The following ACO1 variants were observed in gnomAD, a reference collection of about 807,000 sequenced individuals.
ACO1 encodes cytoplasmic aconitate hydratase.
A neutral mutation model predicts 105.1 loss-of-function variants in ACO1; 78 were observed. The observed-to-expected ratio is 0.74, with a 90% confidence interval of 0.62 to 0.90. The LOEUF is 0.90. Ranked by LOEUF, ACO1 falls within the 40% of genes least tolerant of loss-of-function variation. The pLI, the probability that ACO1 is intolerant of heterozygous loss-of-function variation, is 0.00. For synonymous variants in ACO1, 364 were observed against 397.4 expected (o/e 0.92, Z 1.00); for missense variants, 965 against 1,111.1 (o/e 0.87, Z 1.87).
chr9:32,389,640 C>T (rs1394638952), intron 1 of ACO1, among the ~76,000 whole-genome samples: 3 of 151,684 alleles, frequency 2.0e-5, no homozygotes, highest in East Asian at 1.9e-4. Context: ...ATCAGCTGAC[C>T]GTCTCCCTAG....
chr9:32,403,386 A>G (rs992130207), intron 1 of ACO1, among the ~76,000 whole-genome samples: 20 of 152,204 alleles, frequency 1.3e-4, no homozygotes, highest in Non-Finnish European at 2.5e-4. Context: ...CTTCCTTCAT[A>G]TAGTGAAACT....
intron 7 of ACO1, among the ~76,000 whole-genome samples, 162 bp from the exon 8 acceptor site, chr9:32,420,694 G>A (rs569072626): frequency 3.0e-4 from 45 of 152,248 alleles, no homozygotes; most frequent in Admixed American, 2.7e-3. Flanking sequence ...GCATTTAGTT[G>A]GCATTGTTTT....
intron 11 of ACO1, among the ~76,000 whole-genome samples, chr9:32,426,296 G>A (rs2118494263): frequency 6.6e-6 from 1 of 152,290 alleles, no homozygotes; most frequent in East Asian, 1.9e-4. Context: ...TCAGACTTTG[G>A]AAGAAAAATA....
intron 17 of ACO1, 95 bp from the exon 18 acceptor site, chr9:32,436,155 T>G (rs760762972): frequency 2.7e-6 from 4 of 1,497,908 alleles, no homozygotes; most frequent in Admixed American, 1.7e-5. Flanking sequence ...AGGTCTATGT[T>G]TTGTTTTGTT....
At chr9:32,445,590 C>A in intron 19 of ACO1, 1 of 307,652 alleles carries the variant, frequency 3.3e-6, no homozygotes, top group Non-Finnish European at 6.7e-6. Context: ...ATTTTTTGAA[C>A]AGTTTCTGGT....
chr9:32,430,961 G>T (rs551506370), intron 14 of ACO1, among the ~76,000 whole-genome samples: 2 of 152,262 alleles, frequency 1.3e-5, no homozygotes, highest in South Asian at 2.1e-4. Flanking sequence ...CCTTTCCCCA[G>T]ATCAGCTTGC....
In ACO1 at chr9:32,434,641, T is replaced by C. The variant is rs765475645; in HGVS notation, c.2039T>C (p.Ile680Thr). Reference protein sequence around the residue: ...NLGDSVTTDHISPAGNIARNS... With the variant: ...NLGDSVTTDHTSPAGNIARNS... ...GGAGATTCGGTAACAACTGACCACATCTCCCCAGCTGGAAATATTGCAAGA... is the reference window on the plus strand; with the variant it reads ...GGAGATTCGGTAACAACTGACCACACCTCCCCAGCTGGAAATATTGCAAGA... The change falls in exon 17 of 21, where the codon ATC becomes ACC. Residue 680 changes from isoleucine to threonine, a missense_variant. Coordinates refer to ENST00000309951, the MANE Select transcript of ACO1 (RefSeq NM_002197.3). 2 of 1,613,848 alleles carry C rather than the reference T, an allele frequency of 1.2e-6. No homozygotes were observed. The highest frequency in any genetic ancestry group is 1.1e-5 in the South Asian group (1 of 91,078).
intron 4 of ACO1, among the ~76,000 whole-genome samples, chr9:32,412,632 C>T (rs988788599): frequency 1.3e-5 from 2 of 152,210 alleles, no homozygotes; most frequent in Non-Finnish European, 2.9e-5. Flanking sequence ...CTCGCCAACT[C>T]TTCCCTTTCC....
At chr9:32,446,331 T>C (rs1311457050) in intron 19 of ACO1, among the ~76,000 whole-genome samples, 1 of 152,240 alleles carries the variant, frequency 6.6e-6, no homozygotes, top group Non-Finnish European at 1.5e-5. Flanking sequence ...ATTGATCCCT[T>C]TACCATTATG....
intron 4 of ACO1, among the ~76,000 whole-genome samples, chr9:32,416,434 T>C (rs1821851908): frequency 6.6e-6 from 1 of 152,016 alleles, no homozygotes; most frequent in South Asian, 2.1e-4. Flanking sequence ...ATGCTTCCGG[T>C]CCCTTTTTTC....
At chr9:32,391,137 C>T (rs754316753) in intron 1 of ACO1, among the ~76,000 whole-genome samples, 84 of 152,262 alleles carry the variant, frequency 5.5e-4, no homozygotes, top group Admixed American at 1.3e-3. Context: ...GCAGTGCTTT[C>T]GTGTGTTACC....
At chr9:32,435,759 CT>C (rs1163102042) in intron 17 of ACO1, among the ~76,000 whole-genome samples, 1 of 152,156 alleles carries the variant, frequency 6.6e-6, no homozygotes, top group East Asian at 1.9e-4. Context: ...TGTGTCTTTC[CT>C]TTGCATTGAG....
intron 1 of ACO1, among the ~76,000 whole-genome samples, chr9:32,399,702 ATAGTT>A (rs1359838349): frequency 1.3e-5 from 2 of 152,266 alleles, no homozygotes; most frequent in South Asian, 2.1e-4. Context: ...TTTTTATGGT[ATAGTT>A]TAAAGTGCTG....
intron 11 of ACO1, 51 bp downstream of exon 11, chr9:32,426,048 A>G: frequency 6.3e-7 from 1 of 1,584,738 alleles, no homozygotes; most frequent in African/African-American, 1.3e-5. Context: ...GTAGGTGGAA[A>G]TAGCCCGAGA....
In ACO1 at chr9:32,418,490, G is replaced by A; in HGVS notation, c.637G>A (p.Gly213Ser). The change falls in exon 6 of 21, where the codon GGC becomes AGC. Residue 213 changes from glycine (G) to serine (S), a missense_variant. Coordinates refer to ENST00000309951, the MANE Select transcript of ACO1 (RefSeq NM_002197.3). ...AGACTCGCACACTACCATGATTGAT[G>A]GCTTGGGCATTCTTGGTTGGGGTGA... is the stretch of plus-strand genomic sequence containing the variant. Reference protein sequence around the residue: ...GTDSHTTMIDGLGILGWGVGG... With the variant: ...GTDSHTTMIDSLGILGWGVGG... The A allele has an allele frequency of 1.2e-6, 2 of 1,613,044 alleles. No individual in the cohort carries two copies. Among genetic ancestry groups the A allele is most frequent in the Non-Finnish European group, 1.7e-6 (2 of 1,179,144 alleles).
intron 1 of ACO1, among the ~76,000 whole-genome samples, chr9:32,391,939 G>A (rs1391897597): frequency 6.6e-6 from 1 of 151,040 alleles, no homozygotes; most frequent in Non-Finnish European, 1.5e-5. Flanking sequence ...TTTTAAGGAT[G>A]TTATGTTTCA....
At chr9:32,387,963 A>G (rs1821188579) in intron 1 of ACO1, among the ~76,000 whole-genome samples, 1 of 152,230 alleles carries the variant, frequency 6.6e-6, no homozygotes, top group Non-Finnish European at 1.5e-5. Context: ...TCCAAGATGG[A>G]CGTAGCGGGC....
At position 32,418,141 on chromosome 9, in the gene ACO1, C is replaced by T; in HGVS notation, c.418C>T (p.Gln140Ter). The change falls in exon 5 of 21, where the codon CAG becomes TAG. Residue 140 changes from glutamine (Q) to a stop codon, truncating the protein, a stop_gained. Transcript: ENST00000309951. LOFTEE classifies it high-confidence loss of function. ...VDFNRRADSLQKNQDLEFERN... is the reference protein window; with the variant it reads ...VDFNRRADSL ...TCTCTCTGACAGGGCAGACAGTTTA[C>T]AGAAGAATCAAGACCTGGAATTTGA... is the stretch of plus-strand genomic sequence containing the variant. The T allele has an allele frequency of 6.2e-7, 1 of 1,614,074 alleles. No homozygotes were observed. Among genetic ancestry groups the T allele is most frequent in the South Asian group, 1.1e-5 (1 of 91,078 alleles).
Position 32,424,629 on chromosome 9 carries a change from C to CA in ACO1, c.1153dup (p.Met385AsnfsTer6). On this transcript the variant is annotated frameshift_variant, in exon 10 of 21. Coordinates refer to ENST00000309951, the MANE Select transcript of ACO1 (RefSeq NM_002197.3). LOFTEE classifies it high-confidence loss of function. Reference sequence around the variant, plus strand: ...CTCAGGACAAAGTTGCTGTGTCCGACATGAAAAAGGACTTTGAGAGCTGCC... The same window carrying CA: ...CTCAGGACAAAGTTGCTGTGTCCGACAATGAAAAAGGACTTTGAGAGCTGCC... The CA allele has an allele frequency of 6.2e-7, 1 of 1,614,048 alleles. No homozygotes were observed. The highest frequency in any genetic ancestry group is 8.5e-7 in the Non-Finnish European group (1 of 1,179,988).
Sources: gnomAD v4.1 joint callset for allele counts (sites outside exome capture counted in the v4.1 genomes callset) on GRCh38, gnomAD v4.1.1 for gene constraint, MANE v1.5 for transcripts, NCBI Gene and HGNC (gene_info 2026-07-23, HGNC 2026-07-21) for gene names.